The following FIRRM variants were observed in gnomAD, a reference collection of about 807,000 sequenced individuals.
FIRRM encodes the protein FIGNL1 interacting regulator of recombination and mitosis, also known as FIGNL1-interacting regulator of recombination and mitosis.
At chr1:169,832,541 A>G in the FIRRM span, 8 of 1,492,354 alleles carry the variant, frequency 5.4e-6, no homozygotes, top group African/African-American at 1.1e-4. Flanking sequence ...ACTGTCTGTG[A>G]AGCTGCTCAG....
the FIRRM span, among the ~76,000 whole-genome samples, chr1:169,807,264 C>T: frequency 2.0e-5 from 3 of 152,158 alleles, no homozygotes; most frequent in African/African-American, 7.2e-5. Flanking sequence ...TTGCTAACTC[C>T]TGCTTACTGT....
the FIRRM span, among the ~76,000 whole-genome samples, chr1:169,826,754 T>C: frequency 6.6e-6 from 1 of 152,182 alleles, no homozygotes; most frequent in Non-Finnish European, 1.5e-5. Flanking sequence ...TTTAGATTTT[T>C]ATAGTATTTT....
chr1:169,849,537 T>C, the FIRRM span: 6 of 1,614,050 alleles, frequency 3.7e-6, no homozygotes, highest in South Asian at 5.5e-5. Context: ...ATGTTTGCCT[T>C]ACTGCTAGCT....
the FIRRM span, among the ~76,000 whole-genome samples, chr1:169,815,102 CCTGGCCAA>C: frequency 6.6e-6 from 1 of 151,708 alleles, no homozygotes; most frequent in African/African-American, 2.4e-5. Flanking sequence ...TGGAGACCAG[CCTGGCCAA>C]CGTGGTAAAA....
the FIRRM span, among the ~76,000 whole-genome samples, chr1:169,818,268 A>G: frequency 2.0e-5 from 3 of 152,212 alleles, no homozygotes; most frequent in African/African-American, 7.2e-5. Context: ...GACACAGAAC[A>G]GAAGTGTAGG....
the FIRRM span, chr1:169,802,664 A>G: frequency 6.2e-7 from 1 of 1,613,130 alleles, no homozygotes; most frequent in Non-Finnish European, 8.5e-7. Context: ...TTAACCAGTC[A>G]AGCCAGAGGA....
the FIRRM span, chr1:169,827,970 G>GAC: frequency 1.1e-6 from 1 of 890,834 alleles, no homozygotes. Flanking sequence ...TTATTGTGTA[G>GAC]ACACACATAT....
the FIRRM span, chr1:169,829,111 T>G: frequency 7.0e-4 from 384 of 544,992 alleles, no homozygotes; most frequent in Non-Finnish European, 9.8e-4. Flanking sequence ...TCCTTTTATG[T>G]GTACATATTC....
chr1:169,853,723 T>TTATC, the FIRRM span: 1 of 1,613,786 alleles, frequency 6.2e-7, no homozygotes. Flanking sequence ...TCACCAGTTA[T>TTATC]TATCTTCCCA....
chr1:169,795,851 T>TG, the FIRRM span: 985,469 of 985,470 alleles, frequency 1, 492,734 homozygotes, highest in Middle Eastern at 1. Context: ...CTGAAAGAGT[T>TG]CTTCCGCTTG....
At chr1:169,806,743 C>T in the FIRRM span, among the ~76,000 whole-genome samples, 1 of 152,224 alleles carries the variant, frequency 6.6e-6, no homozygotes, top group Non-Finnish European at 1.5e-5. Context: ...TGCCTGGGAG[C>T]TGTATCACAT....
chr1:169,789,797 C>A, the FIRRM span, among the ~76,000 whole-genome samples: 1 of 152,192 alleles, frequency 6.6e-6, no homozygotes, highest in Admixed American at 6.5e-5. Context: ...AAGGCACAAA[C>A]ACCATTTTTA....
At chr1:169,802,139 A>G in the FIRRM span, among the ~76,000 whole-genome samples, 1 of 152,206 alleles carries the variant, frequency 6.6e-6, no homozygotes, top group African/African-American at 2.4e-5. Context: ...CATTTACTAT[A>G]CCCTTAATTC....
chr1:169,807,973 T>C, the FIRRM span: 1 of 1,565,666 alleles, frequency 6.4e-7, no homozygotes, highest in East Asian at 2.3e-5. Flanking sequence ...ACTCTTATTT[T>C]CTTTGGCAGT....
chr1:169,837,228 G>A, the FIRRM span: 1 of 723,152 alleles, frequency 1.4e-6, no homozygotes, highest in Non-Finnish European at 2.0e-6. Context: ...CTCTGTTTCT[G>A]TTAGAACCTA....
At chr1:169,838,478 T>C in the FIRRM span, among the ~76,000 whole-genome samples, 1 of 152,072 alleles carries the variant, frequency 6.6e-6, no homozygotes, top group Non-Finnish European at 1.5e-5. Context: ...TTTTAAATTT[T>C]TTCAACTTTT....
At chr1:169,839,899 G>A in the FIRRM span, among the ~76,000 whole-genome samples, 2 of 152,102 alleles carry the variant, frequency 1.3e-5, no homozygotes, top group African/African-American at 4.8e-5. Flanking sequence ...GTTAATTTTT[G>A]TATATGCTGA....
At chr1:169,824,899 A>G in the FIRRM span, among the ~76,000 whole-genome samples, 1 of 152,242 alleles carries the variant, frequency 6.6e-6, no homozygotes, top group Non-Finnish European at 1.5e-5. Flanking sequence ...ATGTTTAACT[A>G]CTAGTCAGGA....
the FIRRM span, among the ~76,000 whole-genome samples, chr1:169,846,371 C>T: frequency 6.6e-6 from 1 of 151,960 alleles, no homozygotes. Context: ...TGCATTAGCC[C>T]CCAAGAAGAG....
Sources: gnomAD v4.1 joint callset for allele counts (sites outside exome capture counted in the v4.1 genomes callset) on GRCh38, gnomAD v4.1.1 for gene constraint, MANE v1.5 for transcripts, NCBI Gene and HGNC (gene_info 2026-07-23, HGNC 2026-07-21) for gene names.